RNLS: variants seen among roughly 807,000 people sequenced by gnomAD.
RNLS encodes renalase, FAD dependent amine oxidase, also known as renalase.
Under a neutral mutation model 39.8 loss-of-function variants are expected in RNLS, and 39 were observed. That is an observed-to-expected ratio of 0.98 (90% CI 0.76 to 1.28). The LOEUF (loss-of-function observed/expected upper bound fraction) is 1.28, where lower values mean the gene tolerates loss of function less well. Ranked by LOEUF, RNLS falls within the 50% of genes most tolerant of loss-of-function variation. The probability of loss-of-function intolerance (pLI) is 0.00; values close to 1 mark genes in which losing one functional copy is unlikely to be tolerated. For synonymous variants in RNLS, 147 were observed against 150.7 expected (o/e 0.98, Z 0.18); for missense variants, 410 against 413.3 (o/e 0.99, Z 0.07).
chr10:88,573,556 C>G (rs1396136898), intron 3 of RNLS, among the ~76,000 whole-genome samples: 7 of 152,040 alleles, frequency 4.6e-5, no homozygotes. Context: ...TAATATTTCC[C>G]ATTAAAGGAC....
At chr10:88,260,854 A>C in the RNLS span, among the ~76,000 whole-genome samples, 1 of 152,210 alleles carries the variant, frequency 6.6e-6, no homozygotes, top group African/African-American at 2.4e-5. Context: ...CTAAAAAGGA[A>C]CTCTTGAAAT....
At chr10:88,416,781 G>C (rs1348446673) in intron 4 of RNLS, among the ~76,000 whole-genome samples, 1 of 152,102 alleles carries the variant, frequency 6.6e-6, no homozygotes, top group Non-Finnish European at 1.5e-5. Context: ...AAAAGGATGT[G>C]GCAATTTTAC....
intron 5 of RNLS, among the ~76,000 whole-genome samples, chr10:88,339,691 T>C (rs1406360105): frequency 6.6e-6 from 1 of 152,222 alleles, no homozygotes; most frequent in East Asian, 1.9e-4. Context: ...TGAGCAATGT[T>C]GTTCTAGTTT....
chr10:88,390,696 G>C (rs776589608), intron 4 of RNLS, among the ~76,000 whole-genome samples: 15 of 152,148 alleles, frequency 9.9e-5, no homozygotes, highest in Non-Finnish European at 1.6e-4. Flanking sequence ...CCTTCTAGGG[G>C]ATATTTTGGA....
chr10:88,469,854 TG>T (rs1843416611), intron 4 of RNLS, among the ~76,000 whole-genome samples: 5 of 148,224 alleles, frequency 3.4e-5, no homozygotes, highest in Non-Finnish European at 7.5e-5. Context: ...TGTGTGTGTG[TG>T]TGTGTGCTTT....
intron 5 of RNLS, among the ~76,000 whole-genome samples, chr10:88,321,601 A>G (rs970204054): frequency 1.3e-5 from 2 of 152,202 alleles, no homozygotes; most frequent in Non-Finnish European, 2.9e-5. Flanking sequence ...TAATCAAAAA[A>G]TGACAAGGGT....
At chr10:88,329,990 A>G (rs1021548289) in intron 5 of RNLS, among the ~76,000 whole-genome samples, 1 of 149,778 alleles carries the variant, frequency 6.7e-6, no homozygotes, top group Non-Finnish European at 1.5e-5. Context: ...AGGCTTTATA[A>G]GGTTGGCTCT....
chr10:88,484,083 C>CT (rs1248144986), intron 4 of RNLS, among the ~76,000 whole-genome samples: 2 of 152,036 alleles, frequency 1.3e-5, no homozygotes, highest in African/African-American at 2.4e-5. Context: ...AGCTATAACT[C>CT]ATATCAAGTC....
At chr10:88,458,007 A>G (rs1327779483) in intron 4 of RNLS, among the ~76,000 whole-genome samples, 5 of 152,198 alleles carry the variant, frequency 3.3e-5, no homozygotes, top group Non-Finnish European at 7.3e-5. Flanking sequence ...ACAATGCCCC[A>G]TTTAATATAC....
chr10:88,273,049 C>T (rs996251807), downstream of RNLS, among the ~76,000 whole-genome samples: 2 of 152,168 alleles, frequency 1.3e-5, no homozygotes, highest in Admixed American at 6.5e-5. Context: ...TGTGACCTCT[C>T]CCCACTGTGG....
intron 4 of RNLS, among the ~76,000 whole-genome samples, chr10:88,395,904 G>C (rs1480474568): frequency 6.6e-6 from 1 of 152,070 alleles, no homozygotes; most frequent in Non-Finnish European, 1.5e-5. Context: ...TTTCTCATCA[G>C]AAACTATGGT....
chr10:88,510,885 T>A (rs1470234303), intron 4 of RNLS, among the ~76,000 whole-genome samples: 1 of 151,002 alleles, frequency 6.6e-6, no homozygotes, highest in African/African-American at 2.4e-5. Flanking sequence ...ACCTTTATGT[T>A]CTTTATTTTA....
chr10:88,476,115 T>C (rs1843811150), intron 4 of RNLS, among the ~76,000 whole-genome samples: 1 of 152,194 alleles, frequency 6.6e-6, no homozygotes, highest in African/African-American at 2.4e-5. Flanking sequence ...ATTTATTTTA[T>C]ATCAGTCCCT....
intron 4 of RNLS, among the ~76,000 whole-genome samples, chr10:88,543,863 A>T (rs1268355223): frequency 6.6e-6 from 1 of 152,208 alleles, no homozygotes; most frequent in Non-Finnish European, 1.5e-5. Flanking sequence ...TTTGTTTGAG[A>T]CAGCATAAGG....
intron 6 of RNLS, 35 bp from the exon 7 acceptor site, chr10:88,285,541 C>A (rs1375953064): frequency 1.3e-6 from 2 of 1,585,036 alleles, no homozygotes; most frequent in African/African-American, 1.3e-5. Flanking sequence ...AATTGACATT[C>A]TGTGCTCTAT....
chr10:88,290,044 C>CA (rs1843555603), intron 6 of RNLS, among the ~76,000 whole-genome samples: 2 of 151,788 alleles, frequency 1.3e-5, no homozygotes, highest in African/African-American at 4.8e-5. Flanking sequence ...AAAGTTCACA[C>CA]AAAAAAGTGC....
the RNLS span, among the ~76,000 whole-genome samples, chr10:88,242,886 G>A: frequency 6.6e-6 from 1 of 152,190 alleles, no homozygotes; most frequent in Non-Finnish European, 1.5e-5. Flanking sequence ...GGTGGAGGTT[G>A]CGGTGAGCCA....
At chr10:88,256,585 C>T in the RNLS span, among the ~76,000 whole-genome samples, 1 of 152,226 alleles carries the variant, frequency 6.6e-6, no homozygotes, top group African/African-American at 2.4e-5. Flanking sequence ...GCCAAACCCT[C>T]CCTCACAAAC....
chr10:88,255,968 T>C, the RNLS span, among the ~76,000 whole-genome samples: 8,845 of 152,268 alleles, frequency 0.058, 296 homozygotes, highest in Middle Eastern at 0.088. Flanking sequence ...GCAGAACTCA[T>C]CTTCCTCTAG....
Sources: allele counts gnomAD v4.1 joint callset (sites outside exome capture counted in the v4.1 genomes callset), GRCh38; gene constraint gnomAD v4.1.1; transcripts MANE v1.5; gene names NCBI Gene and HGNC (gene_info 2026-07-23, HGNC 2026-07-21).